The following NTM variants were observed in gnomAD, a reference collection of about 807,000 sequenced individuals.
NTM encodes the protein IgLON family member 2.
NTM carries 13 observed loss-of-function variants against 42.1 expected under a neutral mutation model. The ratio of observed to expected loss-of-function variants is 0.31; its 90% CI spans 0.20 to 0.49. The LOEUF is 0.49. Among genes scored for constraint, NTM ranks in the 20% least tolerant of loss-of-function variants. NTM has a pLI of 0.99. For synonymous variants in NTM, 187 were observed against 179.2 expected, an observed-to-expected ratio of 1.04 and a Z score of -0.35; for missense variants, 373 against 452.8, an observed-to-expected ratio of 0.82 and a Z score of 1.60.
At chr11:131,675,039 C>T (rs569397530) in intron 1 of NTM, among the ~76,000 whole-genome samples, 13 of 152,288 alleles carry the variant, frequency 8.5e-5, no homozygotes, top group Non-Finnish European at 1.3e-4. Flanking sequence ...ATGCTTAGCC[C>T]GGGTGAGCAG....
chr11:131,616,358 A>AG (rs2137593637), intron 1 of NTM, among the ~76,000 whole-genome samples: 1 of 152,272 alleles, frequency 6.6e-6, no homozygotes, highest in South Asian at 2.1e-4. Flanking sequence ...CATTTATCAA[A>AG]CTGGAGAGTG....
chr11:131,698,885 A>G (rs1008395656), intron 1 of NTM, among the ~76,000 whole-genome samples: 2 of 152,204 alleles, frequency 1.3e-5, no homozygotes, highest in African/African-American at 4.8e-5. Flanking sequence ...TGCTTTTTTC[A>G]AATCTCTCTC....
intron 2 of NTM, among the ~76,000 whole-genome samples, chr11:132,044,965 C>T (rs2077777343): frequency 1.3e-5 from 2 of 152,152 alleles, no homozygotes; most frequent in African/African-American, 4.8e-5. Context: ...AGAGATAGTA[C>T]CATTCCTATT....
At position 132,229,181 on chromosome 11, in the gene NTM, C is replaced by A. The variant is rs540934853; in HGVS notation, c.526+17034C>A. ...CGGTAGCTTGGCTATGTTCCAGGCA[C>A]TCTTCTAAGTGTTTTCCATTTGAGA... On this transcript the variant is annotated intron_variant, in intron 4 of 8. Coordinates refer to ENST00000683400, the MANE Select transcript of NTM (RefSeq NM_001352005.2). Among the ~76,000 whole-genome samples the A allele has an allele frequency of 1.6e-4, 25 of 152,314 alleles. No individual in the cohort carries two copies. In the South Asian group the frequency reaches 5.2e-3, roughly 32 times the overall value.
rs191109652 is a variant in NTM, at chr11:131,661,090, G to T, written c.83-250474G>T. ...TTCTTCATCTTTTGCACAGACTGGT[G>T]GGGGGGTCTTCCCCCTAGATTCGGT... is the stretch of plus-strand genomic sequence containing the variant. On this transcript the variant is annotated intron_variant, in intron 1 of 8. Transcript: ENST00000683400. The T allele has an allele frequency of 3.9e-3, 4,923 of 1,260,702 alleles. 16 individuals carry two copies. Among genetic ancestry groups the T allele is most frequent in the Non-Finnish European group, 4.1e-3 (3,885 of 951,046 alleles). 78.1% of individuals were successfully genotyped at this position (1,260,702 alleles called of 1,614,324 possible). A position where few individuals can be genotyped will look rare whatever the true frequency, so the allele number is the denominator to read the frequency against.
chr11:132,323,205 C>T (rs1327223018), intron 7 of NTM, among the ~76,000 whole-genome samples: 1 of 149,164 alleles, frequency 6.7e-6, no homozygotes, highest in Non-Finnish European at 1.5e-5. Context: ...GAAATAGAGA[C>T]ACAAAAAACC....
chr11:132,096,962 C>A (rs2061077895), intron 2 of NTM, among the ~76,000 whole-genome samples: 1 of 152,134 alleles, frequency 6.6e-6, no homozygotes, highest in Non-Finnish European at 1.5e-5. Flanking sequence ...GTGTCTAGCA[C>A]ATAGTAGGCA....
intron 2 of NTM, among the ~76,000 whole-genome samples, chr11:132,001,709 T>C (rs1452584767): frequency 6.6e-6 from 1 of 152,076 alleles, no homozygotes; most frequent in East Asian, 1.9e-4. Flanking sequence ...CACTGGGGAT[T>C]GTAATTCAGC....
At chr11:132,022,829 G>C (rs943557566) in intron 2 of NTM, among the ~76,000 whole-genome samples, 1 of 152,184 alleles carries the variant, frequency 6.6e-6, no homozygotes, top group Non-Finnish European at 1.5e-5. Context: ...CAATTCAAAG[G>C]CTGTTAAGAC....
chr11:132,126,949 A>T (rs1294490426), intron 2 of NTM, among the ~76,000 whole-genome samples: 1 of 152,212 alleles, frequency 6.6e-6, no homozygotes, highest in Non-Finnish European at 1.5e-5. Flanking sequence ...ACAGCACATT[A>T]AGAACTATTT....
chr11:131,986,015 T>C (rs1460507609), intron 2 of NTM, among the ~76,000 whole-genome samples: 1 of 152,208 alleles, frequency 6.6e-6, no homozygotes, highest in Non-Finnish European at 1.5e-5. Flanking sequence ...TCAGTATTCA[T>C]AGTTATTTCC....
intron 1 of NTM, among the ~76,000 whole-genome samples, chr11:131,699,954 GT>G (rs2075901143): frequency 3.9e-5 from 5 of 127,814 alleles, no homozygotes; most frequent in African/African-American, 1.5e-4. Context: ...GTGTGTGTGT[GT>G]GTGTGTGTAT....
chr11:132,013,444 A>G (rs2072685701), intron 2 of NTM, among the ~76,000 whole-genome samples: 1 of 152,166 alleles, frequency 6.6e-6, no homozygotes, highest in South Asian at 2.1e-4. Context: ...GATGTCTGTC[A>G]TAGACCATTC....
At chr11:131,739,182 GTTTTC>G (rs2080865196) in intron 1 of NTM, among the ~76,000 whole-genome samples, 1 of 146,284 alleles carries the variant, frequency 6.8e-6, no homozygotes, top group Non-Finnish European at 1.5e-5. Context: ...ACACCCACAA[GTTTTC>G]TTTTTTTTTT....
chr11:131,744,071 C>T (rs2081502752), intron 1 of NTM, among the ~76,000 whole-genome samples: 1 of 152,166 alleles, frequency 6.6e-6, no homozygotes, highest in African/African-American at 2.4e-5. Context: ...ATTTTGCTTC[C>T]TGTCTTTGGG....
At chr11:131,752,553 G>T (rs1239704934) in intron 1 of NTM, among the ~76,000 whole-genome samples, 1 of 152,138 alleles carries the variant, frequency 6.6e-6, no homozygotes, top group East Asian at 1.9e-4. Flanking sequence ...ATACCCAAAG[G>T]ATTATAAATC....
intron 4 of NTM, among the ~76,000 whole-genome samples, chr11:132,224,949 G>A (rs555946962): frequency 1.3e-5 from 2 of 152,310 alleles, no homozygotes; most frequent in East Asian, 3.9e-4. Flanking sequence ...AATAGGTAGG[G>A]TATTATGGAC....
At chr11:132,167,560 G>A (rs1168611614) in intron 3 of NTM, among the ~76,000 whole-genome samples, 1 of 152,156 alleles carries the variant, frequency 6.6e-6, no homozygotes, top group East Asian at 1.9e-4. Context: ...TCCCATTCAA[G>A]CAATGGCTGT....
intron 1 of NTM, among the ~76,000 whole-genome samples, chr11:131,776,761 GC>G (rs1250279779): frequency 2.6e-5 from 4 of 152,058 alleles, no homozygotes; most frequent in Non-Finnish European, 5.9e-5. Flanking sequence ...ATAGATTTCC[GC>G]CACATGGTGT....
Sources: gnomAD v4.1 joint callset for allele counts (sites outside exome capture counted in the v4.1 genomes callset) on GRCh38, gnomAD v4.1.1 for gene constraint, MANE v1.5 for transcripts, NCBI Gene and HGNC (gene_info 2026-07-23, HGNC 2026-07-21) for gene names.